Variants in SAFB observed in about 807,000 individuals in gnomAD.
SAFB encodes the protein scaffold attachment factor B1.
SAFB carries 15 observed loss-of-function variants against 101.6 expected under a neutral mutation model. The ratio of observed to expected loss-of-function variants is 0.15; its 90% CI spans 0.10 to 0.23. The LOEUF (loss-of-function observed/expected upper bound fraction) is 0.23. SAFB is among the 10% of genes least tolerant of loss of function. The pLI is 1.00. For synonymous variants in SAFB, 449 were observed against 407.5 expected, an observed-to-expected ratio of 1.10 and a Z score of -1.23; for missense variants, 930 against 1,104.1, an observed-to-expected ratio of 0.84 and a Z score of 2.23.
At chr19:5,666,976 C>T in intron 17 of SAFB, 70 bp from the exon 18 acceptor site, 1 of 930,724 alleles carries the variant, frequency 1.1e-6, no homozygotes, top group Non-Finnish European at 1.8e-6. Context: ...TAGCATGTTG[C>T]CTGAAAAGCC....
chr19:5,663,425 C>G (rs2054259643), intron 15 of SAFB, among the ~76,000 whole-genome samples: 1 of 152,250 alleles, frequency 6.6e-6, no homozygotes, highest in South Asian at 2.1e-4. Context: ...TTTACACGTG[C>G]ACTGCAACCT....
chr19:5,664,670 G>C, intron 17 of SAFB: 1 of 483,144 alleles, frequency 2.1e-6, no homozygotes, highest in Non-Finnish European at 3.8e-6. Flanking sequence ...CCTTGACCCT[G>C]GGGTTCTGTG....
chr19:5,625,859 C>T (rs973654578), intron 1 of SAFB, among the ~76,000 whole-genome samples: 2 of 152,140 alleles, frequency 1.3e-5, no homozygotes, highest in African/African-American at 2.4e-5. Flanking sequence ...CATGTCGTGA[C>T]GGGTCTCGTG....
At chr19:5,641,692 G>C (rs1045396938) in intron 3 of SAFB, 34 bp downstream of exon 3, 4 of 1,613,466 alleles carry the variant, frequency 2.5e-6, no homozygotes, top group Non-Finnish European at 2.5e-6. Flanking sequence ...TAGCGTGGTG[G>C]ATGGACCAGT....
intron 14 of SAFB, among the ~76,000 whole-genome samples, chr19:5,659,291 G>T (rs1032255810): frequency 6.6e-6 from 1 of 152,102 alleles, no homozygotes; most frequent in East Asian, 1.9e-4. Flanking sequence ...GGCAACAAGA[G>T]CAAAACGCTG....
Position 5,654,282 on chromosome 19 carries a change from A to G in SAFB, c.1666+82A>G, listed in dbSNP as rs2054005733. 7 of 1,596,128 alleles carry G rather than the reference A, an allele frequency of 4.4e-6. No homozygotes were observed. The Admixed American group carries it at 1.0e-4, about 23-fold the overall frequency. On this transcript the variant is annotated intron_variant, in intron 12 of 20. Coordinates refer to ENST00000588852, the MANE Select transcript of SAFB (RefSeq NM_001201338.2). ...GTTAGTTTGCTGTGATTAGCTGGCA[A>G]CGGAAACTGGATTCATGTTGCAGAG...
intron 1 of SAFB, among the ~76,000 whole-genome samples, chr19:5,623,750 G>A (rs981780654): frequency 4.6e-5 from 7 of 152,020 alleles, no homozygotes; most frequent in African/African-American, 1.7e-4. Flanking sequence ...CGAGGGGAAG[G>A]GACTCGGCCA....
intron 2 of SAFB, among the ~76,000 whole-genome samples, chr19:5,639,025 CA>C (rs2145422577): frequency 6.6e-6 from 1 of 152,276 alleles, no homozygotes; most frequent in East Asian, 1.9e-4. Context: ...CCACGCCTGG[CA>C]AGTATTTTCT....
chr19:5,630,713 G>A (rs966885101), intron 2 of SAFB, among the ~76,000 whole-genome samples: 4 of 150,226 alleles, frequency 2.7e-5, no homozygotes, highest in Non-Finnish European at 4.4e-5. Flanking sequence ...CCGAGATCAC[G>A]CCACTGCACT....
In SAFB at chr19:5,667,299, A is replaced by T. The variant is rs1340544444; in HGVS notation, c.2454-48A>T. The T allele has an allele frequency of 1.3e-5, 18 of 1,389,966 alleles. No homozygotes were observed. Among genetic ancestry groups the T allele is most frequent in the Admixed American group, 5.6e-5 (2 of 35,490 alleles). 86.1% of individuals were successfully genotyped at this position (1,389,966 alleles called of 1,614,324 possible). On this transcript the variant is annotated intron_variant, in intron 18 of 20. Transcript: ENST00000588852. This position sits in a 1 kb window ranked among gnomAD's most constrained non-coding sequence, Gnocchi z 4.0. ...AGAAGCCGCCACAGTTATTAGCACA[A>T]GAGCCAGAGATGGGGGCAATCCAAA...
At chr19:5,645,526 T>C in intron 5 of SAFB, 127 bp downstream of exon 5, 1 of 573,120 alleles carries the variant, frequency 1.7e-6, no homozygotes, top group Non-Finnish European at 3.2e-6. Context: ...TTTGTCAGGA[T>C]CGTTAATGGG....
At chr19:5,650,409 A>G (rs1456914709) in intron 8 of SAFB, among the ~76,000 whole-genome samples, 1 of 152,036 alleles carries the variant, frequency 6.6e-6, no homozygotes, top group Non-Finnish European at 1.5e-5. Context: ...TCCTGTAATT[A>G]AGCGATCGCT....
chr19:5,664,275 A>G, intron 16 of SAFB, 116 bp downstream of exon 16: 1 of 1,430,258 alleles, frequency 7.0e-7, no homozygotes, highest in Admixed American at 1.8e-5. Context: ...ATGCTGAGTC[A>G]GACCCGCAGG....
intron 16 of SAFB, 28 bp from the exon 17 acceptor site, chr19:5,664,369 T>TA (rs779083769): frequency 2.6e-5 from 41 of 1,602,438 alleles, no homozygotes; most frequent in Middle Eastern, 1.7e-4. Flanking sequence ...TTCTTCCCCT[T>TA]ACGGTTTGAT....
chr19:5,654,565 C>T (rs1463330900), intron 13 of SAFB, 109 bp downstream of exon 13: 7 of 780,542 alleles, frequency 9.0e-6, no homozygotes, highest in Middle Eastern at 3.4e-4. Context: ...TTTTGTCGGC[C>T]GTTTCGAAAA....
At chr19:5,623,520 G>C (rs893870280) in intron 1 of SAFB, 126 bp downstream of exon 1, 1 of 733,262 alleles carries the variant, frequency 1.4e-6, no homozygotes, top group Non-Finnish European at 2.1e-6. Flanking sequence ...TGGCGCTCTC[G>C]CGTCCCCCGG....
At position 5,667,713 on chromosome 19, in the gene SAFB, T is replaced by C. The variant is rs2054365392; in HGVS notation, c.2558-107T>C. 9.3e-7 allele frequency: 1 copy of C among 1,069,672 alleles called. No individual in the cohort carries two copies. The highest frequency in any genetic ancestry group is 1.3e-5 in the South Asian group (1 of 74,208). The allele number at this position is 1,069,672 out of a possible 1,614,324, so 66.3% of individuals were successfully genotyped here. A position where few individuals can be genotyped will look rare whatever the true frequency, so the allele number is the denominator to read the frequency against. ...AGGTGTCTTCCTGGGACCCGCTAGT[T>C]GTGGGTACCTGGGGGCCTCACCAAA... On this transcript the variant is annotated intron_variant, in intron 19 of 20. Transcript: ENST00000588852. The surrounding 1 kb of genome is among the most constrained non-coding windows in gnomAD (Gnocchi z 4.0).
intron 2 of SAFB, among the ~76,000 whole-genome samples, chr19:5,636,070 T>A (rs942758401): frequency 2.6e-5 from 4 of 152,078 alleles, no homozygotes; most frequent in African/African-American, 9.7e-5. Flanking sequence ...TCTCGACATT[T>A]CCAGTCACAT....
At chr19:5,649,611 A>G in intron 7 of SAFB, 112 bp downstream of exon 7, 1 of 552,442 alleles carries the variant, frequency 1.8e-6, no homozygotes, top group East Asian at 3.1e-5. Context: ...ACGAAATTGT[A>G]GTTTTGCTTC....
Sources: gnomAD v4.1 joint callset for allele counts (sites outside exome capture counted in the v4.1 genomes callset) on GRCh38, gnomAD v4.1.1 for gene constraint, Gnocchi (gnomAD v3.1) non-coding constraint, MANE v1.5 for transcripts, NCBI Gene and HGNC (gene_info 2026-07-23, HGNC 2026-07-21) for gene names.